The following CCDC142 variants were observed in gnomAD, a reference collection of about 807,000 sequenced individuals.
CCDC142 encodes coiled-coil domain-containing protein 142.
A neutral mutation model predicts 83.8 loss-of-function variants in CCDC142; 67 were observed. The ratio of observed to expected loss-of-function variants is 0.80; its 90% CI spans 0.66 to 0.98. The LOEUF (loss-of-function observed/expected upper bound fraction) is 0.98, where lower values mean the gene tolerates loss of function less well. Among genes scored for constraint, CCDC142 ranks in the 50% least tolerant of loss-of-function variants. The pLI is 0.00. For missense variants in CCDC142, 905 were observed against 946.8 expected, an observed-to-expected ratio of 0.96 and a Z score of 0.58; for synonymous variants, 421 against 421.2, an observed-to-expected ratio of 1.00 and a Z score of 0.01.
At position 74,482,266 on chromosome 2, in the gene CCDC142, C is replaced by T; in HGVS notation, c.572G>A (p.Arg191Gln). 2 of 1,612,716 alleles carry T rather than the reference C, an allele frequency of 1.2e-6. No homozygotes were observed. The highest frequency in any genetic ancestry group is 1.3e-5 in the African/African-American group (1 of 75,066). ...VIEMQLRALG[R>Q]EPASPGLSSQ... ...CGACAGGCCCGGGCTGGCGGGCTCC[C>T]GGCCGAGAGCGCGAAGCTGCATCTC... The change falls in exon 1 of 9, where the codon CGG (arginine) becomes CAG (glutamine). Residue 191 changes from arginine (R) to glutamine (Q), a missense_variant. Transcript: ENST00000393965. This position sits in a 1 kb window ranked among gnomAD's most constrained non-coding sequence, Gnocchi z 5.0.
intron 5 of CCDC142, 46 bp from the exon 6 acceptor site, chr2:74,475,772 G>T: frequency 8.4e-7 from 1 of 1,188,452 alleles, no homozygotes; most frequent in Non-Finnish European, 1.2e-6. Flanking sequence ...AAATTATGAT[G>T]ATCCTCTATA....
In CCDC142 at chr2:74,482,241, C is replaced by G; in HGVS notation, c.597G>C (p.Ser199=). 6.2e-7 allele frequency: 1 copy of G among 1,613,322 alleles called. No homozygotes were observed. Among genetic ancestry groups the G allele is most frequent in the Non-Finnish European group, 8.5e-7 (1 of 1,179,896 alleles). ...LGREPASPGL[S]SQLAELLFAL... ...CAAAGAGCAGCTCGGCGAGTTGGGA[C>G]GACAGGCCCGGGCTGGCGGGCTCCC... The change falls in exon 1 of 9, where the codon TCG becomes TCC. Residue 199 remains serine (S), a synonymous_variant. Transcript: ENST00000393965. The surrounding 1 kb of genome is among the most constrained non-coding windows in gnomAD (Gnocchi z 5.0).
chr2:74,480,887 G>A lies in CCDC142; in HGVS notation c.1390-5C>T. 6.2e-7 allele frequency: 1 copy of A among 1,613,534 alleles called. No individual in the cohort carries two copies. Among genetic ancestry groups the A allele is most frequent in the Non-Finnish European group, 8.5e-7 (1 of 1,179,478 alleles). ...TTCTGCCTCATGCAACAGAGGCTTTGGGTGGAAACAGGGAGTGAGGGCTCA... is the reference window on the plus strand; with the variant it reads ...TTCTGCCTCATGCAACAGAGGCTTTAGGTGGAAACAGGGAGTGAGGGCTCA... On this transcript the variant is annotated splice_polypyrimidine_tract_variant and splice_region_variant and intron_variant, in intron 4 of 8. Coordinates refer to ENST00000393965, the MANE Select transcript of CCDC142 (RefSeq NM_001365575.2).
rs1301659144 is a variant in CCDC142 at position 74,474,979 on chromosome 2, G to C, written c.1933C>G (p.Leu645Val). The change falls in exon 8 of 9, where the codon CTG becomes GTG. Residue 645 changes from leucine to valine, a missense_variant. By Grantham distance (32) the Leu-to-Val change is conservative (BLOSUM62 1). Around this residue, in one of 3 missense-constraint regions of CCDC142, gnomAD observed 265 missense variants for 288.9 expected, o/e 0.92. Coordinates refer to ENST00000393965, the MANE Select transcript of CCDC142 (RefSeq NM_001365575.2). Reference sequence around the variant, plus strand: ...AGGGGCTGCTGCAACAGACACAGCAGGGCCCCATCCAGCTGCTGGAAGATG... The same window carrying C: ...AGGGGCTGCTGCAACAGACACAGCACGGCCCCATCCAGCTGCTGGAAGATG... The part of the protein sequence containing the change: ...LSIFQQLDGA[L>V]LCLLQQPLPK... 1.2e-6 allele frequency: 2 copies of C among 1,613,322 alleles called. No individual in the cohort carries two copies. The highest frequency in any genetic ancestry group is 1.7e-6 in the Non-Finnish European group (2 of 1,179,552).
Position 74,482,744 on chromosome 2 carries a change from C to G in CCDC142, c.94G>C (p.Glu32Gln), listed in dbSNP as rs1460188641. ...QPGGTGEEQW[E>Q]RSRTGGLRWE... ...CGAAGACCGCCCGTTCGACTTCTCT[C>G]CCACTGCTCCTCCCCAGTGCCCCCG... The change falls in exon 1 of 9, where the codon GAG becomes CAG. Residue 32 changes from glutamate to glutamine, a missense_variant. Physicochemically the swap from Glu to Gln is conservative, Grantham distance 29. Coordinates refer to ENST00000393965, the MANE Select transcript of CCDC142 (RefSeq NM_001365575.2). This position sits in a 1 kb window ranked among gnomAD's most constrained non-coding sequence, Gnocchi z 5.0. 1 of 1,602,746 alleles carries G rather than the reference C, an allele frequency of 6.2e-7. No individual in the cohort carries two copies. Among genetic ancestry groups the G allele is most frequent in the Non-Finnish European group, 8.5e-7 (1 of 1,179,970 alleles).
In CCDC142 at chr2:74,478,479, C is replaced by T. The variant is rs182327643; in HGVS notation, c.1503+2290G>A. On this transcript the variant is annotated intron_variant, in intron 5 of 8. Coordinates refer to ENST00000393965, the MANE Select transcript of CCDC142 (RefSeq NM_001365575.2). ...GCAACTTCCGCCTCCTAGGTTCAAG[C>T]GATTCTCCTGCCTCAGCCTCAGAAG... is the stretch of plus-strand genomic sequence containing the variant. 5.2e-3 allele frequency among the ~76,000 whole-genome samples: 778 copies of T among 150,194 alleles called. 7 individuals are homozygous for T. The highest frequency in any genetic ancestry group is 0.018 in the African/African-American group (741 of 40,862).
At chr2:74,480,738 A>G (rs1471706878) in intron 5 of CCDC142, 31 bp downstream of exon 5, 3 of 1,512,386 alleles carry the variant, frequency 2.0e-6, no homozygotes, top group Non-Finnish European at 1.8e-6. Flanking sequence ...ATAGGGTCTT[A>G]CACTGCCACT....
At chr2:74,475,546 T>G (rs1234449212) in intron 6 of CCDC142, 66 bp downstream of exon 6, 1 of 1,486,692 alleles carries the variant, frequency 6.7e-7, no homozygotes, top group Admixed American at 1.9e-5. Flanking sequence ...GAACCGGAAT[T>G]TGGAAGGGCT....
chr2:74,473,620 C>G lies in CCDC142; in HGVS notation c.*926G>C, dbSNP rs1672241820. ...GCGTGAGCAGGCGTGAGCCCCCTCA[C>G]CTGGCCGAGCACTCAACTCTTTATC... On this transcript the variant is annotated 3_prime_UTR_variant, in exon 9 of 9. Coordinates refer to ENST00000393965, the MANE Select transcript of CCDC142 (RefSeq NM_001365575.2). 6.6e-6 allele frequency among the ~76,000 whole-genome samples: 1 copy of G among 151,932 alleles called. No homozygotes were observed. Among genetic ancestry groups the G allele is most frequent in the Non-Finnish European group, 1.5e-5 (1 of 67,944 alleles).
At position 74,472,964 on chromosome 2, in the gene CCDC142, C is replaced by A; in HGVS notation, c.*1582G>T. On this transcript the variant is annotated 3_prime_UTR_variant, in exon 9 of 9. Transcript: ENST00000393965. ...AAAACCTCTTTGCACGAAAATACGC[C>A]CGTTTTCTGCAGCCTTTCCCCTTCT... 1 of 448,572 alleles carries A rather than the reference C, an allele frequency of 2.2e-6. No homozygotes were observed. The allele number at this position is 448,572 out of a possible 1,614,324, so 27.8% of individuals were successfully genotyped here.
intron 3 of CCDC142, 21 bp from the exon 4 acceptor site, chr2:74,481,107 G>A (rs1448495648): frequency 1.2e-6 from 2 of 1,608,682 alleles, no homozygotes; most frequent in Admixed American, 3.3e-5. Flanking sequence ...GAGCAGCAGA[G>A]TGAGTATCTT....
intron 5 of CCDC142, among the ~76,000 whole-genome samples, chr2:74,479,510 G>A (rs1292256879): frequency 6.6e-6 from 1 of 152,196 alleles, no homozygotes; most frequent in Non-Finnish European, 1.5e-5. Context: ...GAAATCAGAG[G>A]TGAGTGAGGG....
Position 74,482,420 on chromosome 2 carries a change from A to T in CCDC142, c.418T>A (p.Trp140Arg). 6.4e-7 allele frequency: 1 copy of T among 1,559,858 alleles called. No individual in the cohort carries two copies. Among genetic ancestry groups the T allele is most frequent in the Non-Finnish European group, 8.7e-7 (1 of 1,152,078 alleles). ...PSGGPSPLPQ[W>R]CRDLQLHPSQ... ...GGGTGCAGCTGCAGGTCGCGGCACC[A>T]CTGGGGCAAGGGGCTAGGGCCGCCG... The change falls in exon 1 of 9, where the codon TGG (tryptophan) becomes AGG (arginine). Residue 140 changes from tryptophan to arginine, a missense_variant. By Grantham distance (101) the Trp-to-Arg change is moderately radical (BLOSUM62 -3). Around this residue, in one of 3 missense-constraint regions of CCDC142, gnomAD observed 591 missense variants for 571.4 expected, o/e 1.03. Coordinates refer to ENST00000393965, the MANE Select transcript of CCDC142 (RefSeq NM_001365575.2). The surrounding 1 kb of genome is among the most constrained non-coding windows in gnomAD (Gnocchi z 5.0).
chr2:74,474,576 A>G lies in CCDC142; in HGVS notation c.2223T>C (p.Phe741=). The G allele has an allele frequency of 6.2e-7, 1 of 1,613,808 alleles. No homozygotes were observed. Among genetic ancestry groups the G allele is most frequent in the Non-Finnish European group, 8.5e-7 (1 of 1,179,864 alleles). The change falls in exon 9 of 9, where the codon TTT becomes TTC. Residue 741 remains phenylalanine (F), a synonymous_variant. Transcript: ENST00000393965. The stretch of plus-strand genomic sequence containing the variant: ...ATTCAGGACTGGTTCCCAGGCAGGA[A>G]AAAAACGGCAGGTGCCAACGGGGTC... ...HQRPRWHLPF[F]SCLGTSPES
Position 74,476,507 on chromosome 2 carries a change from C to G in CCDC142, c.1504-781G>C, listed in dbSNP as rs142876076. On this transcript the variant is annotated intron_variant, in intron 5 of 8. Coordinates refer to ENST00000393965, the MANE Select transcript of CCDC142 (RefSeq NM_001365575.2). The stretch of plus-strand genomic sequence containing the variant: ...ACAATGATCTTTTGGTTATCACCTA[C>G]AAAAGGAAGACAAGAACTGTATGTA... Among the ~76,000 whole-genome samples, 756 of 152,230 alleles carry G rather than the reference C, an allele frequency of 5.0e-3. 8 individuals carry two copies. The highest frequency in any genetic ancestry group is 0.014 in the South Asian group (66 of 4,824).
chr2:74,476,128 G>T (rs1672320525), intron 5 of CCDC142, among the ~76,000 whole-genome samples: 1 of 146,552 alleles, frequency 6.8e-6, no homozygotes, highest in African/African-American at 2.5e-5. Flanking sequence ...AAGAGGGATT[G>T]TATGATCTGC....
chr2:74,478,073 CTTTTT>C (rs962747208), intron 5 of CCDC142, among the ~76,000 whole-genome samples: 6 of 141,362 alleles, frequency 4.2e-5, no homozygotes, highest in Admixed American at 1.4e-4. Context: ...TATATATATA[CTTTTT>C]TTTTTTTGAG....
At chr2:74,479,371 C>T (rs1672395449) in intron 5 of CCDC142, among the ~76,000 whole-genome samples, 1 of 152,132 alleles carries the variant, frequency 6.6e-6, no homozygotes, top group Non-Finnish European at 1.5e-5. Context: ...AAAAACCAGA[C>T]ATCTTCCACA....
intron 5 of CCDC142, among the ~76,000 whole-genome samples, chr2:74,476,890 C>T (rs1166857788): frequency 1.3e-5 from 2 of 152,348 alleles, no homozygotes; most frequent in Non-Finnish European, 2.9e-5. Flanking sequence ...CATATGGCTC[C>T]TGGCACATCT....
Sources: allele counts gnomAD v4.1 joint callset (sites outside exome capture counted in the v4.1 genomes callset), GRCh38; gene constraint gnomAD v4.1.1; regional missense constraint gnomAD v4.1.1; non-coding constraint Gnocchi (gnomAD v3.1); transcripts MANE v1.5; gene names NCBI Gene and HGNC (gene_info 2026-07-23, HGNC 2026-07-21).